FAM13C: variants seen among roughly 807,000 people sequenced by gnomAD.
FAM13C encodes the protein protein FAM13C.
In FAM13C, 37 loss-of-function variants were observed where a neutral mutation model predicts 73.2. That is an observed-to-expected ratio of 0.51 (90% confidence interval 0.39 to 0.67). FAM13C has a LOEUF of 0.67. Among genes scored for constraint, FAM13C ranks in the 30% least tolerant of loss-of-function variants. The pLI, the probability that FAM13C is intolerant of heterozygous loss-of-function variation, is 0.00. For synonymous variants in FAM13C, 246 were observed against 260.9 expected, an observed-to-expected ratio of 0.94 and a Z score of 0.55; for missense variants, 589 against 715.6, an observed-to-expected ratio of 0.82 and a Z score of 2.02.
In FAM13C at chr10:59,266,901, A is replaced by C. The variant is rs146972307; in HGVS notation, c.942+1652T>G. 6.7e-3 allele frequency among the ~76,000 whole-genome samples: 1,025 copies of C among 152,328 alleles called. 11 individuals are homozygous for C. Among genetic ancestry groups the C allele is most frequent in the African/African-American group, 0.024 (981 of 41,564 alleles). On this transcript the variant is annotated intron_variant, in intron 8 of 13. Coordinates refer to ENST00000618804, the MANE Select transcript of FAM13C (RefSeq NM_198215.4). ...GCCTATTTAAATATATAACTCATAG[A>C]TTAAAAAGTTTGTGTTATCTAGGAC...
intron 13 of FAM13C, among the ~76,000 whole-genome samples, chr10:59,249,415 A>AG (rs1196603908): frequency 5.3e-5 from 8 of 150,424 alleles, no homozygotes; most frequent in Non-Finnish European, 1.0e-4. Context: ...AAAGAAAAAA[A>AG]AAAAAAAAAA....
Position 59,352,444 on chromosome 10 carries a change from G to C in FAM13C, c.150C>G (p.Asp50Glu). The change falls in exon 3 of 14, where the codon GAC (aspartate) becomes GAG (glutamate). Residue 50 changes from aspartate to glutamate, a missense_variant. Asp to Glu is a conservative substitution (Grantham distance 45, BLOSUM62 2). Transcript: ENST00000618804. ...CGTGCTCTTCTACCAGAGCCCCTGCGTCGGGGTAGTTCTCTTTATTGTTTT... is the reference window on the plus strand; with the variant it reads ...CGTGCTCTTCTACCAGAGCCCCTGCCTCGGGGTAGTTCTCTTTATTGTTTT... ...RDENNKENYP[D>E]AGALVEEHAP... 6.2e-7 allele frequency: 1 copy of C among 1,612,676 alleles called. No individual in the cohort carries two copies. Among genetic ancestry groups the C allele is most frequent in the South Asian group, 1.1e-5 (1 of 90,908 alleles).
At chr10:59,329,813 G>T (rs1301504649) in intron 3 of FAM13C, among the ~76,000 whole-genome samples, 2 of 152,140 alleles carry the variant, frequency 1.3e-5, no homozygotes, top group Non-Finnish European at 2.9e-5. Context: ...TCTGTAGCAG[G>T]TACTAAACTA....
intron 10 of FAM13C, 103 bp from the exon 11 acceptor site, chr10:59,254,546 T>A (rs933395441): frequency 2.1e-6 from 1 of 475,350 alleles, no homozygotes; most frequent in African/African-American, 2.0e-5. Context: ...TATAATACTA[T>A]AATGCAGCAG....
intron 2 of FAM13C, among the ~76,000 whole-genome samples, chr10:59,355,364 G>A (rs1045974991): frequency 6.6e-6 from 1 of 152,188 alleles, no homozygotes; most frequent in Admixed American, 6.5e-5. Flanking sequence ...CGTTATCTTG[G>A]ATGAGCTATC....
chr10:59,296,296 G>T (rs1345041104), intron 5 of FAM13C, among the ~76,000 whole-genome samples: 1 of 152,136 alleles, frequency 6.6e-6, no homozygotes, highest in Non-Finnish European at 1.5e-5. Context: ...ATACACAGAG[G>T]CATAGACACA....
intron 2 of FAM13C, among the ~76,000 whole-genome samples, chr10:59,354,386 C>T (rs1018210812): frequency 2.6e-4 from 40 of 152,098 alleles, no homozygotes; most frequent in Admixed American, 6.5e-4. Flanking sequence ...TCAGGATCTC[C>T]GAAACAGAAA....
intron 3 of FAM13C, among the ~76,000 whole-genome samples, chr10:59,330,783 C>G (rs774936641): frequency 3.9e-5 from 6 of 152,142 alleles, no homozygotes; most frequent in Non-Finnish European, 7.4e-5. Context: ...CAGAAGGCTC[C>G]AAACAGCAAA....
Position 59,309,542 on chromosome 10 carries a change from G to A in FAM13C, c.444-6678C>T, listed in dbSNP as rs541106739. ...TGGATGCACCATGCTCCTTTCCAGC[G>A]CAGGCCTTCACATGTGCCTGTAATG... On this transcript the variant is annotated intron_variant, in intron 4 of 13. Transcript: ENST00000618804. 5.3e-5 allele frequency among the ~76,000 whole-genome samples: 8 copies of A among 152,194 alleles called. No homozygotes were observed. In the East Asian group the frequency reaches 7.7e-4, roughly 15 times the overall value.
rs188645760 is a variant in FAM13C at position 59,340,910 on chromosome 10, G to T, written c.324+11360C>A. The stretch of plus-strand genomic sequence containing the variant: ...TTGTTTCATCCTTTTGAGTTTCAGA[G>T]AGAGCAATATCTGGGTCTTCAGAGG... On this transcript the variant is annotated intron_variant, in intron 3 of 13. Coordinates refer to ENST00000618804, the MANE Select transcript of FAM13C (RefSeq NM_198215.4). 1.5e-4 allele frequency among the ~76,000 whole-genome samples: 23 copies of T among 152,004 alleles called. No homozygotes were observed. The East Asian group carries it at 4.5e-3, about 30-fold the overall frequency.
chr10:59,304,888 A>T (rs1848080375), intron 4 of FAM13C, among the ~76,000 whole-genome samples: 1 of 148,382 alleles, frequency 6.7e-6, no homozygotes, highest in African/African-American at 2.5e-5. Flanking sequence ...TTCCCTAGAG[A>T]ACAGCTTGTT....
At chr10:59,363,129 T>G (rs1856590269), upstream of FAM13C, 1 of 152,512 alleles carries the variant, frequency 6.6e-6, no homozygotes, top group Middle Eastern at 3.4e-3. Flanking sequence ...TAGAGCGCTC[T>G]TATTTCAGTC....
chr10:59,304,889 A>G (rs2133883938), intron 4 of FAM13C, among the ~76,000 whole-genome samples: 1 of 146,842 alleles, frequency 6.8e-6, no homozygotes, highest in East Asian at 2.1e-4. Flanking sequence ...TCCCTAGAGA[A>G]CAGCTTGTTG....
chr10:59,323,575 A>G (rs1850653200), intron 4 of FAM13C: 1 of 221,496 alleles, frequency 4.5e-6, no homozygotes, highest in Non-Finnish European at 9.1e-6. Flanking sequence ...CTTTACGAGA[A>G]AGTAGAGAAG....
In FAM13C at chr10:59,355,959, G is replaced by GA. The variant is rs1855665447; in HGVS notation, c.63-17dup. 1 of 1,612,590 alleles carries GA rather than the reference G, an allele frequency of 6.2e-7. No individual in the cohort carries two copies. Among genetic ancestry groups the GA allele is most frequent in the African/African-American group, 1.3e-5 (1 of 74,902 alleles). On this transcript the variant is annotated splice_polypyrimidine_tract_variant and intron_variant, in intron 1 of 13. Transcript: ENST00000618804. The stretch of plus-strand genomic sequence containing the variant: ...TTCGTCACACCTGGAAGAGTGGGAA[G>GA]AAAAATCACATCAGATCCAATTGTC...
intron 5 of FAM13C, chr10:59,300,597 G>GAT (rs1219143067): frequency 6.6e-6 from 1 of 152,116 alleles, no homozygotes; most frequent in East Asian, 1.9e-4. Context: ...TAGTAATAAA[G>GAT]ATATATATGA....
chr10:59,349,140 A>C (rs1854699184), intron 3 of FAM13C, among the ~76,000 whole-genome samples: 1 of 152,150 alleles, frequency 6.6e-6, no homozygotes, highest in South Asian at 2.1e-4. Flanking sequence ...ATAAACTCTC[A>C]TCAGACCTTT....
chr10:59,251,796 AG>A, intron 12 of FAM13C, 120 bp from the exon 13 acceptor site: 4 of 744,334 alleles, frequency 5.4e-6, no homozygotes, highest in Non-Finnish European at 8.6e-6. Context: ...CCATCATAAG[AG>A]TATCTTTTGA....
At chr10:59,285,249 T>C (rs1354817050) in intron 5 of FAM13C, among the ~76,000 whole-genome samples, 1 of 152,168 alleles carries the variant, frequency 6.6e-6, no homozygotes, top group Non-Finnish European at 1.5e-5. Context: ...GGGCCATTTT[T>C]TTGGCTTCCT....
Sources: gnomAD v4.1 joint callset for allele counts (sites outside exome capture counted in the v4.1 genomes callset) on GRCh38, gnomAD v4.1.1 for gene constraint, MANE v1.5 for transcripts, NCBI Gene and HGNC (gene_info 2026-07-23, HGNC 2026-07-21) for gene names.